NPC1L1: variants seen among roughly 807,000 people sequenced by gnomAD.
NPC1L1 encodes NPC1-like intracellular cholesterol transporter 1.
NPC1L1 carries 98 observed loss-of-function variants against 117.0 expected under a neutral mutation model. The ratio of observed to expected loss-of-function variants is 0.84; its 90% confidence interval spans 0.71 to 0.99. The LOEUF (loss-of-function observed/expected upper bound fraction) is 0.99. Ranked by LOEUF, NPC1L1 falls within the 50% of genes least tolerant of loss-of-function variation. NPC1L1 has a pLI of 0.00. For synonymous variants in NPC1L1, 729 were observed against 727.6 expected, an observed-to-expected ratio of 1.00 and a Z score of -0.03; for missense variants, 1,540 against 1,710.0, an observed-to-expected ratio of 0.90 and a Z score of 1.75.
In NPC1L1 at chr7:44,536,143, G is replaced by A. The variant is rs1184621484; in HGVS notation, c.1854+113C>T. On this transcript the variant is annotated intron_variant, in intron 4 of 18. Transcript: ENST00000381160. The surrounding 1 kb of genome is among the most constrained non-coding windows in gnomAD (Gnocchi z 4.7). ...ATCACAATCACCCCGTTCTGAGCAG[G>A]CAGCCACTGCCCAGGGTCACTTAGG... The A allele has an allele frequency of 2.6e-6, 4 of 1,550,482 alleles. No individual in the cohort carries two copies. The highest frequency in any genetic ancestry group is 3.6e-6 in the Non-Finnish European group (4 of 1,125,432).
intron 8 of NPC1L1, among the ~76,000 whole-genome samples, chr7:44,533,004 G>A (rs1052032139): frequency 6.6e-6 from 1 of 152,152 alleles, no homozygotes; most frequent in Admixed American, 6.5e-5. Context: ...TAATTGGGAG[G>A]CTGAGGCAGG....
At chr7:44,528,995 C>A (rs112043196) in intron 10 of NPC1L1, among the ~76,000 whole-genome samples, 1 of 151,198 alleles carries the variant, frequency 6.6e-6, no homozygotes, top group Non-Finnish European at 1.5e-5. Flanking sequence ...TGCTTGAACC[C>A]GGGAGGTGTA....
At position 44,536,369 on chromosome 7, in the gene NPC1L1, CA is replaced by C; in HGVS notation, c.1740del (p.Ala581ProfsTer17). On this transcript the variant is annotated frameshift_variant, in exon 4 of 19. Transcript: ENST00000381160. LOFTEE classifies it high-confidence loss of function. The surrounding 1 kb of genome is among the most constrained non-coding windows in gnomAD (Gnocchi z 4.7). ...GCCTGGGCCAGACGGGGGTCCCCGG[CA>C]GGGTAATTGTTGAGGGAGAACGTCA... ...LIMTFSLNNY[P>X]AGDPRLAQAK... 6.2e-7 allele frequency: 1 copy of C among 1,614,184 alleles called. No individual in the cohort carries two copies. The highest frequency in any genetic ancestry group is 1.7e-4 in the Middle Eastern group (1 of 6,060).
chr7:44,532,225 G>T lies in NPC1L1; in HGVS notation c.2410-8C>A. 6.2e-7 allele frequency: 1 copy of T among 1,613,276 alleles called. No homozygotes were observed. The highest frequency in any genetic ancestry group is 1.1e-5 in the South Asian group (1 of 91,070). The stretch of plus-strand genomic sequence containing the variant: ...GACGTCCAACCGGGAGGCCTGGAGT[G>T]GGAGGCACCCCCTCAAGGTAGTCCC... On this transcript the variant is annotated splice_polypyrimidine_tract_variant and splice_region_variant and intron_variant, in intron 8 of 18. Coordinates refer to ENST00000381160, the MANE Select transcript of NPC1L1 (RefSeq NM_001101648.2).
At position 44,533,822 on chromosome 7, in the gene NPC1L1, T is replaced by C; in HGVS notation, c.2198A>G (p.Glu733Gly). 1 of 1,613,314 alleles carries C rather than the reference T, an allele frequency of 6.2e-7. No individual in the cohort carries two copies. The highest frequency in any genetic ancestry group is 1.1e-5 in the South Asian group (1 of 90,874). ...RLPRRPGEPREVHIGRALGRV... is the reference protein window; with the variant it reads ...RLPRRPGEPRGVHIGRALGRV... ...GCCTAGGGCTCGCCCAATGTGGACCTCTCGTGGCTCCCCAGGCCTCCGGGG... is the reference window on the plus strand; with the variant it reads ...GCCTAGGGCTCGCCCAATGTGGACCCCTCGTGGCTCCCCAGGCCTCCGGGG... Residue 733 changes from glutamate (E) to glycine (G), a missense_variant, in exon 7 of 19, where the codon GAG becomes GGG. By Grantham distance (98) the Glu-to-Gly change is moderately conservative. This residue lies in a region of NPC1L1 where 742 missense variants were observed against 873.6 expected (regional missense o/e 0.85). Transcript: ENST00000381160.
At chr7:44,540,874 A>T (rs1309430473) in intron 1 of NPC1L1, among the ~76,000 whole-genome samples, 1 of 152,054 alleles carries the variant, frequency 6.6e-6, no homozygotes, top group African/African-American at 2.4e-5. Context: ...GATGCTCACC[A>T]GGTAACCCCA....
At chr7:44,517,451 T>C in intron 14 of NPC1L1, 94 bp from the exon 15 acceptor site, 1 of 1,483,170 alleles carries the variant, frequency 6.7e-7, no homozygotes, top group South Asian at 1.1e-5. Context: ...GGCACAGGCA[T>C]GTGATCAAGC....
chr7:44,532,850 C>T (rs900749840), intron 8 of NPC1L1, among the ~76,000 whole-genome samples: 4 of 152,182 alleles, frequency 2.6e-5, no homozygotes, highest in Non-Finnish European at 4.4e-5. Context: ...TGGTGGCTCA[C>T]GCCAGCACTT....
intron 1 of NPC1L1, among the ~76,000 whole-genome samples, chr7:44,540,967 C>A (rs1354713397): frequency 6.6e-6 from 1 of 152,100 alleles, no homozygotes; most frequent in Middle Eastern, 3.2e-3. Context: ...GGACTTGGAG[C>A]ACCCCAGTCC....
chr7:44,518,586 T>C, intron 14 of NPC1L1: 2 of 472,352 alleles, frequency 4.2e-6, no homozygotes, highest in Non-Finnish European at 7.4e-6. Context: ...GGAGAATTAC[T>C]TGAATCCAGG....
In NPC1L1 at chr7:44,532,087, C is replaced by A; in HGVS notation, c.2540G>T (p.Gly847Val). ...APFLLHWITR[G>V]VVLLLFLALF... ...GGTTCGAGGCCCACTCACCACAACA[C>A]CTCGAGTGATCCAGTGCAGCAGGAA... Residue 847 changes from glycine to valine, a missense_variant, in exon 9 of 19, where the codon GGT (glycine) becomes GTT (valine). By Grantham distance (109) the Gly-to-Val change is moderately radical. Around this residue, in one of 3 missense-constraint regions of NPC1L1, gnomAD observed 742 missense variants for 873.6 expected, o/e 0.85. Transcript: ENST00000381160. 6.2e-7 allele frequency: 1 copy of A among 1,614,178 alleles called. No individual in the cohort carries two copies. Among genetic ancestry groups the A allele is most frequent in the Non-Finnish European group, 8.5e-7 (1 of 1,180,034 alleles).
chr7:44,516,980 C>T, intron 15 of NPC1L1, 46 bp from the exon 16 acceptor site: 4 of 1,572,834 alleles, frequency 2.5e-6, no homozygotes, highest in Non-Finnish European at 3.5e-6. Context: ...CTCTGGGGCC[C>T]TCATGGTGGG....
chr7:44,531,705 C>T (rs770775085), intron 10 of NPC1L1, 50 bp downstream of exon 10: 2 of 1,505,944 alleles, frequency 1.3e-6, no homozygotes, highest in Non-Finnish European at 1.8e-6. Flanking sequence ...GTTGCTACTG[C>T]CCCTCCCCAA....
rs564692338 is a variant in NPC1L1 at position 44,532,157 on chromosome 7, C to T, written c.2470G>A (p.Gly824Arg). Residue 824 changes from glycine (G) to arginine (R), a missense_variant, in exon 9 of 19, where the codon GGA becomes AGA. Physicochemically the swap from Gly to Arg is moderately radical, Grantham distance 125. This residue lies in a region of NPC1L1 where 742 missense variants were observed against 873.6 expected (regional missense o/e 0.85). Transcript: ENST00000381160. ...KPQELPPPGQ[G>R]EGLLLGFFQK... Reference sequence around the variant, plus strand: ...AAGAAGCCAAGCAGGAGCCCCTCTCCCTGGCCAGGCGGGGGCAGCTCCTGG... The same window carrying T: ...AAGAAGCCAAGCAGGAGCCCCTCTCTCTGGCCAGGCGGGGGCAGCTCCTGG... 42 of 1,614,048 alleles carry T rather than the reference C, an allele frequency of 2.6e-5. No homozygotes were observed. The East Asian group carries it at 8.7e-4, about 33-fold the overall frequency.
chr7:44,525,408 C>A (rs1801481614), intron 10 of NPC1L1, among the ~76,000 whole-genome samples: 1 of 152,184 alleles, frequency 6.6e-6, no homozygotes, highest in Non-Finnish European at 1.5e-5. Context: ...CAAGTGCGCA[C>A]AACCATGCCC....
rs376436832 is a variant in NPC1L1 at position 44,539,898 on chromosome 7, G to A, written c.499C>T (p.Gln167Ter). The A allele has an allele frequency of 1.7e-5, 28 of 1,614,036 alleles. No individual in the cohort carries two copies. Among genetic ancestry groups the A allele is most frequent in the East Asian group, 2.2e-5 (1 of 44,894 alleles). ...ACACGGCTGCAGGAGTCATAGCTCTGCTCGGCAAAGCTATGCTGGTAGAAG... is the reference window on the plus strand; with the variant it reads ...ACACGGCTGCAGGAGTCATAGCTCTACTCGGCAAAGCTATGCTGGTAGAAG... Reference protein sequence around the residue: ...EAFYQHSFAEQSYDSCSRVRV... With the variant: ...EAFYQHSFAE Residue 167 changes from glutamine to a stop codon, truncating the protein, a stop_gained, in exon 2 of 19, where the codon CAG becomes TAG. Transcript: ENST00000381160. LOFTEE classifies it high-confidence loss of function. The surrounding 1 kb of genome is among the most constrained non-coding windows in gnomAD (Gnocchi z 4.4).
In NPC1L1 at chr7:44,538,937, A is replaced by ATGCAGCAG. The variant is rs776839532; in HGVS notation, c.1452_1459dup (p.Ile487ThrfsTer26). ...CTGGAAATACTGCAGGAGGCTGTTG[A>ATGCAGCAG]TGCAGCAGTCGTAGAGACTGGTATT... On this transcript the variant is annotated frameshift_variant, in exon 2 of 19. Coordinates refer to ENST00000381160, the MANE Select transcript of NPC1L1 (RefSeq NM_001101648.2). LOFTEE classifies it high-confidence loss of function. The surrounding 1 kb of genome is among the most constrained non-coding windows in gnomAD (Gnocchi z 5.9). 3 of 1,614,076 alleles carry ATGCAGCAG rather than the reference A, an allele frequency of 1.9e-6. No individual in the cohort carries two copies. The African/African-American group carries it at 4.0e-5, about 22-fold the overall frequency.
At position 44,520,986 on chromosome 7, in the gene NPC1L1, G is replaced by T. The variant is rs756779008; in HGVS notation, c.3080+6C>A. On this transcript the variant is annotated splice_donor_region_variant and intron_variant, in intron 13 of 18. Transcript: ENST00000381160. ...CCTCCCCAGCAGAAGGCCCTCCCAA[G>T]CTTACCCTTTGGGACATTTGATGTT... 1 of 1,614,098 alleles carries T rather than the reference G, an allele frequency of 6.2e-7. No individual in the cohort carries two copies. Among genetic ancestry groups the T allele is most frequent in the East Asian group, 2.2e-5 (1 of 44,868 alleles).
intron 18 of NPC1L1, among the ~76,000 whole-genome samples, chr7:44,514,549 T>C (rs931601220): frequency 6.6e-6 from 1 of 152,108 alleles, no homozygotes; most frequent in African/African-American, 2.4e-5. Context: ...TACACCGATA[T>C]CCCAGCTACT....
Sources: gnomAD v4.1 joint callset for allele counts (sites outside exome capture counted in the v4.1 genomes callset) on GRCh38, gnomAD v4.1.1 for gene constraint, gnomAD v4.1.1 regional missense constraint, Gnocchi (gnomAD v3.1) non-coding constraint, MANE v1.5 for transcripts, NCBI Gene and HGNC (gene_info 2026-07-23, HGNC 2026-07-21) for gene names.